Variants in TMC1 observed in about 807,000 individuals in gnomAD.
TMC1 encodes the protein transmembrane channel-like protein 1.
TMC1 carries 84 observed loss-of-function variants against 105.8 expected under a neutral mutation model. That is an observed-to-expected ratio of 0.79 (90% CI 0.67 to 0.95). TMC1 has a LOEUF of 0.95. Among genes scored for constraint, TMC1 ranks in the 40% least tolerant of loss-of-function variants. TMC1 has a pLI of 0.00. For synonymous variants in TMC1, 315 were observed against 311.5 expected, an observed-to-expected ratio of 1.01 and a Z score of -0.12; for missense variants, 817 against 914.1, an observed-to-expected ratio of 0.89 and a Z score of 1.37.
intron 1 of TMC1, among the ~76,000 whole-genome samples, chr9:72,561,864 G>A (rs973288846): frequency 1.3e-5 from 2 of 152,082 alleles, no homozygotes; most frequent in African/African-American, 2.4e-5. Context: ...AAACCGGAGC[G>A]GGGTGCAGTG....
At chr9:72,532,532 A>C (rs1823514621) in intron 1 of TMC1, among the ~76,000 whole-genome samples, 2 of 131,132 alleles carry the variant, frequency 1.5e-5, no homozygotes, top group Admixed American at 8.5e-5. Flanking sequence ...CAAGAGCGAG[A>C]CTCCGTCTCA....
chr9:72,643,449 C>G (rs1825659525), intron 4 of TMC1, among the ~76,000 whole-genome samples: 2 of 152,144 alleles, frequency 1.3e-5, no homozygotes, highest in East Asian at 3.8e-4. Flanking sequence ...AATAACATAT[C>G]TCAGTTTCCT....
chr9:72,796,553 G>T (rs1402892731), intron 17 of TMC1, among the ~76,000 whole-genome samples: 1 of 152,062 alleles, frequency 6.6e-6, no homozygotes, highest in Non-Finnish European at 1.5e-5. Flanking sequence ...CCTTGGGATG[G>T]AAGGTTAGTT....
chr9:72,728,380 T>C (rs1452898934), intron 8 of TMC1, among the ~76,000 whole-genome samples: 1 of 152,206 alleles, frequency 6.6e-6, no homozygotes, highest in Non-Finnish European at 1.5e-5. Context: ...TAGTCTTCAG[T>C]GATTAACTTC....
chr9:72,670,361 T>A (rs1826109962), intron 5 of TMC1, among the ~76,000 whole-genome samples: 1 of 152,178 alleles, frequency 6.6e-6, no homozygotes, highest in Admixed American at 6.5e-5. Flanking sequence ...AATGTTGCTC[T>A]GATCCTAACA....
chr9:72,833,225 T>C (rs1165081074), intron 23 of TMC1, among the ~76,000 whole-genome samples: 1 of 152,232 alleles, frequency 6.6e-6, no homozygotes, highest in Non-Finnish European at 1.5e-5. Context: ...AGTAGTAAAC[T>C]ATGATACTTG....
At chr9:72,770,132 T>G (rs553017830) in intron 12 of TMC1, among the ~76,000 whole-genome samples, 1 of 152,178 alleles carries the variant, frequency 6.6e-6, no homozygotes, top group East Asian at 1.9e-4. Flanking sequence ...ATCCATGTCT[T>G]ATCTTAGACA....
chr9:72,653,111 T>A (rs1825837564), intron 5 of TMC1, among the ~76,000 whole-genome samples: 1 of 152,248 alleles, frequency 6.6e-6, no homozygotes, highest in South Asian at 2.1e-4. Context: ...TATTAATTCA[T>A]TCATTCATCT....
At chr9:72,712,776 T>C (rs554950760) in intron 8 of TMC1, among the ~76,000 whole-genome samples, 1 of 152,310 alleles carries the variant, frequency 6.6e-6, no homozygotes, top group East Asian at 1.9e-4. Context: ...TCTTGCCTGA[T>C]TGCCCTGGCC....
At chr9:72,645,328 A>T (rs1241036731) in intron 4 of TMC1, among the ~76,000 whole-genome samples, 1 of 152,202 alleles carries the variant, frequency 6.6e-6, no homozygotes, top group Non-Finnish European at 1.5e-5. Flanking sequence ...CTTTTGACGG[A>T]AATTTTAAAC....
intron 17 of TMC1, among the ~76,000 whole-genome samples, chr9:72,793,586 C>T (rs1319477545): frequency 6.6e-6 from 1 of 152,196 alleles, no homozygotes. Flanking sequence ...GGGTCTCCAA[C>T]CACCTCCTAC....
intron 20 of TMC1, among the ~76,000 whole-genome samples, chr9:72,824,910 C>T (rs1828928880): frequency 6.6e-6 from 1 of 152,192 alleles, no homozygotes; most frequent in South Asian, 2.1e-4. Flanking sequence ...CAGGTACCTG[C>T]CCCTATCTGC....
chr9:72,664,912 G>C (rs1263811726), intron 5 of TMC1, among the ~76,000 whole-genome samples: 3 of 152,148 alleles, frequency 2.0e-5, no homozygotes, highest in Admixed American at 6.5e-5. Flanking sequence ...CTGGGGCTTT[G>C]AGAGTCACAG....
chr9:72,836,214 T>C lies in TMC1; in HGVS notation c.*241T>C. ...GAGCCACTCTCTCCCCTGCTCCATT[T>C]CGTGACTTTTTTTTTTTTTTTAACA... is the stretch of plus-strand genomic sequence containing the variant. On this transcript the variant is annotated 3_prime_UTR_variant, in exon 24 of 24. Coordinates refer to ENST00000297784, the MANE Select transcript of TMC1 (RefSeq NM_138691.3). 1 of 563,714 alleles carries C rather than the reference T, an allele frequency of 1.8e-6. No homozygotes were observed. The highest frequency in any genetic ancestry group is 3.2e-6 in the Non-Finnish European group (1 of 316,838). The allele number at this position is 563,714 out of a possible 1,614,324, so 34.9% of individuals were successfully genotyped here.
intron 8 of TMC1, among the ~76,000 whole-genome samples, chr9:72,728,910 C>A (rs1564517849): frequency 6.6e-6 from 1 of 151,930 alleles, no homozygotes. Flanking sequence ...TCCACTAAAG[C>A]CCAGCTTGTT....
intron 8 of TMC1, among the ~76,000 whole-genome samples, chr9:72,710,270 G>A (rs1370259606): frequency 1.3e-5 from 2 of 152,112 alleles, no homozygotes; most frequent in East Asian, 1.9e-4. Flanking sequence ...CTGTCATATG[G>A]TTTATCTTGG....
intron 23 of TMC1, among the ~76,000 whole-genome samples, chr9:72,831,577 G>T (rs532556947): frequency 0.012 from 1,773 of 150,558 alleles, 33 homozygotes; most frequent in East Asian, 0.074. Flanking sequence ...CCTAATGCTA[G>T]CCCTCCCTGC....
intron 4 of TMC1, among the ~76,000 whole-genome samples, chr9:72,640,949 A>T (rs1825618810): frequency 6.6e-6 from 1 of 151,962 alleles, no homozygotes; most frequent in Non-Finnish European, 1.5e-5. Context: ...AGATTTGATT[A>T]TGAATGAAAA....
intron 1 of TMC1, among the ~76,000 whole-genome samples, chr9:72,532,900 C>A (rs952997299): frequency 1.3e-5 from 2 of 152,180 alleles, no homozygotes; most frequent in Non-Finnish European, 2.9e-5. Context: ...TTTTTAATGA[C>A]CTTATGGCTC....
Sources: allele counts gnomAD v4.1 joint callset (sites outside exome capture counted in the v4.1 genomes callset), GRCh38; gene constraint gnomAD v4.1.1; transcripts MANE v1.5; gene names NCBI Gene and HGNC (gene_info 2026-07-23, HGNC 2026-07-21).